Variants in GPC6 observed in about 807,000 individuals in gnomAD.
GPC6 encodes glypican-6.
Under a neutral mutation model 55.2 loss-of-function variants are expected in GPC6, and 14 were observed. The ratio of observed to expected loss-of-function variants is 0.25; its 90% confidence interval spans 0.17 to 0.40. GPC6 has a LOEUF of 0.40. GPC6 is among the 10% of genes least tolerant of loss of function. The pLI is 1.00. For synonymous variants in GPC6, 278 were observed against 259.6 expected, an observed-to-expected ratio of 1.07 and a Z score of -0.68; for missense variants, 641 against 708.5, an observed-to-expected ratio of 0.90 and a Z score of 1.08.
intron 5 of GPC6, among the ~76,000 whole-genome samples, chr13:94,288,892 A>T (rs1219191725): frequency 7.7e-6 from 1 of 130,486 alleles, no homozygotes; most frequent in East Asian, 2.0e-4. Context: ...ACTAATATAT[A>T]TAACAAATAT....
intron 1 of GPC6, among the ~76,000 whole-genome samples, chr13:93,345,501 G>GA (rs906153325): frequency 4.0e-5 from 6 of 151,362 alleles, no homozygotes; most frequent in African/African-American, 4.9e-5. Flanking sequence ...CTAAATGAAT[G>GA]AAAAAAAATT....
chr13:94,024,970 T>A (rs1882838700), intron 3 of GPC6, among the ~76,000 whole-genome samples: 1 of 152,234 alleles, frequency 6.6e-6, no homozygotes, highest in African/African-American at 2.4e-5. Context: ...CCTTATATGA[T>A]GTGCATGTTG....
At chr13:93,903,034 G>C (rs539854125) in intron 3 of GPC6, among the ~76,000 whole-genome samples, 10 of 152,264 alleles carry the variant, frequency 6.6e-5, no homozygotes, top group African/African-American at 2.4e-4. Flanking sequence ...CACACAGGTA[G>C]ACCCCATCTC....
intron 1 of GPC6, among the ~76,000 whole-genome samples, chr13:93,440,603 G>C (rs1877752026): frequency 6.6e-6 from 1 of 152,142 alleles, no homozygotes; most frequent in Non-Finnish European, 1.5e-5. Flanking sequence ...GAATAACTAG[G>C]TGGAGATCAG....
At chr13:94,186,477 TC>T (rs1368542002) in intron 4 of GPC6, among the ~76,000 whole-genome samples, 2 of 152,220 alleles carry the variant, frequency 1.3e-5, no homozygotes, top group African/African-American at 4.8e-5. Context: ...TAATTTTTTT[TC>T]TAAATTGATA....
chr13:93,731,177 G>A (rs1220199894), intron 2 of GPC6, among the ~76,000 whole-genome samples: 1 of 152,124 alleles, frequency 6.6e-6, no homozygotes, highest in Non-Finnish European at 1.5e-5. Flanking sequence ...AATGAAGAGG[G>A]CCATCGTCTG....
intron 1 of GPC6, among the ~76,000 whole-genome samples, chr13:93,442,322 C>A (rs545401329): frequency 6.6e-6 from 1 of 152,264 alleles, no homozygotes; most frequent in Non-Finnish European, 1.5e-5. Context: ...ATTGCTACTG[C>A]AGCCTCCTGG....
chr13:94,004,997 C>T (rs768556806), intron 3 of GPC6, among the ~76,000 whole-genome samples: 7 of 152,038 alleles, frequency 4.6e-5, no homozygotes, highest in Non-Finnish European at 1.0e-4. Flanking sequence ...CAGGGGGAGG[C>T]GGAGGTTGCA....
chr13:93,857,720 G>T (rs1241108289), intron 3 of GPC6, among the ~76,000 whole-genome samples: 2 of 151,560 alleles, frequency 1.3e-5, no homozygotes, highest in African/African-American at 2.4e-5. Flanking sequence ...AAAGCAAAGG[G>T]CTACTACTAC....
intron 6 of GPC6, among the ~76,000 whole-genome samples, chr13:94,325,846 T>C (rs887973335): frequency 6.6e-6 from 1 of 152,146 alleles, no homozygotes; most frequent in African/African-American, 2.4e-5. Flanking sequence ...GATAACTTGT[T>C]TGGGTAAGCA....
At chr13:94,339,751 CTTTTTTTTTTTTTTTTTT>C (rs56074677) in intron 6 of GPC6, among the ~76,000 whole-genome samples, 2 of 63,794 alleles carry the variant, frequency 3.1e-5, no homozygotes, top group Non-Finnish European at 5.7e-5. Context: ...GCATACTTTC[CTTTTTTTTTTTTTTTTTT>C]TTTTTTTTTT....
At chr13:94,272,524 A>C (rs1403561125) in intron 4 of GPC6, among the ~76,000 whole-genome samples, 1 of 127,068 alleles carries the variant, frequency 7.9e-6, no homozygotes, top group Admixed American at 9.9e-5. Context: ...GCTGGAGTGC[A>C]GTGGTGCCAT....
At chr13:94,374,042 C>T (rs962621172) in intron 6 of GPC6, among the ~76,000 whole-genome samples, 1 of 151,824 alleles carries the variant, frequency 6.6e-6, no homozygotes, top group African/African-American at 2.4e-5. Context: ...CCAGTCCTGC[C>T]CTAAAAGAGC....
At position 94,224,256 on chromosome 13, in the gene GPC6, A is replaced by AATATATAT. The variant is rs59631105; in HGVS notation, c.878-62072_878-62065dup. Among the ~76,000 whole-genome samples, 371 of 143,950 alleles carry AATATATAT rather than the reference A, an allele frequency of 2.6e-3. 2 individuals are homozygous for AATATATAT. Among genetic ancestry groups the AATATATAT allele is most frequent in the Middle Eastern group, 7.4e-3 (2 of 272 alleles). 94.4% of individuals were successfully genotyped at this position (143,950 alleles called of 152,430 possible). A position where few individuals can be genotyped will look rare whatever the true frequency, so the allele number is the denominator to read the frequency against. ...TCTTTATTTTTGTATATCATCTTTA[A>AATATATAT]ATATATATATATATATATATATATA... On this transcript the variant is annotated intron_variant, in intron 4 of 8. Transcript: ENST00000377047.
intron 4 of GPC6, chr13:94,187,893 T>C (rs562531657): frequency 6.6e-6 from 1 of 152,352 alleles, no homozygotes; most frequent in African/African-American, 2.4e-5. Flanking sequence ...AATTAGAATA[T>C]TATCCATACT....
intron 4 of GPC6, among the ~76,000 whole-genome samples, chr13:94,229,859 C>T (rs1385442785): frequency 6.6e-6 from 1 of 152,196 alleles, no homozygotes; most frequent in Non-Finnish European, 1.5e-5. Flanking sequence ...AACACTTTCA[C>T]AGAAGGCCTC....
chr13:94,137,049 A>T (rs1200400194), intron 4 of GPC6, among the ~76,000 whole-genome samples: 1 of 152,210 alleles, frequency 6.6e-6, no homozygotes, highest in African/African-American at 2.4e-5. Flanking sequence ...AGATATCCTA[A>T]ATTTCTGACT....
intron 1 of GPC6, among the ~76,000 whole-genome samples, chr13:93,322,034 G>T (rs757872749): frequency 3.3e-5 from 5 of 151,918 alleles, no homozygotes; most frequent in Non-Finnish European, 7.4e-5. Context: ...ATAAAATACA[G>T]CTAAATTAAT....
chr13:93,605,131 TAGTC>T (rs927162715), intron 2 of GPC6, among the ~76,000 whole-genome samples: 34 of 152,178 alleles, frequency 2.2e-4, no homozygotes, highest in African/African-American at 8.2e-4. Context: ...AGATATCAGA[TAGTC>T]AGCTTACTTC....
Sources: allele counts gnomAD v4.1 joint callset (sites outside exome capture counted in the v4.1 genomes callset), GRCh38; gene constraint gnomAD v4.1.1; transcripts MANE v1.5; gene names NCBI Gene and HGNC (gene_info 2026-07-23, HGNC 2026-07-21).